The following PEBP4 variants were observed in gnomAD, a reference collection of about 807,000 sequenced individuals.
PEBP4 encodes the protein phosphatidylethanolamine-binding protein 4.
PEBP4 carries 22 observed loss-of-function variants against 23.9 expected under a neutral mutation model. That is an observed-to-expected ratio of 0.92 (90% CI 0.66 to 1.31). PEBP4 has a LOEUF of 1.31. PEBP4 is among the 40% of genes most tolerant of loss of function. PEBP4 has a pLI of 0.00. For missense variants in PEBP4, 324 were observed against 281.7 expected, an observed-to-expected ratio of 1.15 and a Z score of -1.07; for synonymous variants, 112 against 99.3, an observed-to-expected ratio of 1.13 and a Z score of -0.76.
At chr8:22,918,943 A>G (rs1246276396) in intron 3 of PEBP4, among the ~76,000 whole-genome samples, 2 of 151,680 alleles carry the variant, frequency 1.3e-5, no homozygotes, top group African/African-American at 4.8e-5. Context: ...ATGTGCACAC[A>G]TGTGCACGTG....
upstream of PEBP4, among the ~76,000 whole-genome samples, chr8:22,930,733 C>A (rs1180712538): frequency 3.9e-5 from 6 of 152,130 alleles, no homozygotes; most frequent in Non-Finnish European, 8.8e-5. Flanking sequence ...CGGGATTTTT[C>A]AAACCTGATC....
chr8:22,840,415 T>C (rs1807300516), intron 3 of PEBP4, among the ~76,000 whole-genome samples: 1 of 151,936 alleles, frequency 6.6e-6, no homozygotes, highest in South Asian at 2.1e-4. Flanking sequence ...TAATTTTTTT[T>C]TTTTTTTTAA....
At chr8:22,894,222 A>G (rs1265569413) in intron 3 of PEBP4, among the ~76,000 whole-genome samples, 2 of 152,160 alleles carry the variant, frequency 1.3e-5, no homozygotes, top group African/African-American at 4.8e-5. Flanking sequence ...GAATAAGATG[A>G]CTTCTTCTGC....
intron 4 of PEBP4, among the ~76,000 whole-genome samples, chr8:22,777,956 G>A (rs566679907): frequency 3.3e-5 from 5 of 152,140 alleles, no homozygotes; most frequent in Admixed American, 2.6e-4. Flanking sequence ...TCCCAGGGCC[G>A]TCATCACACT....
chr8:22,868,729 G>A (rs1002744268), intron 3 of PEBP4, among the ~76,000 whole-genome samples: 5 of 151,860 alleles, frequency 3.3e-5, no homozygotes, highest in Non-Finnish European at 7.4e-5. Flanking sequence ...CCCCCATATC[G>A]AATCTAGCAG....
At chr8:22,938,850 G>T (rs1401710140) in intron 1 of PEBP4, among the ~76,000 whole-genome samples, 1 of 152,172 alleles carries the variant, frequency 6.6e-6, no homozygotes, top group African/African-American at 2.4e-5. Context: ...ATTCCCCACA[G>T]CACTATGAAC....
chr8:22,851,597 G>A (rs529801641), intron 3 of PEBP4, among the ~76,000 whole-genome samples: 92 of 152,208 alleles, frequency 6.0e-4, no homozygotes, highest in Middle Eastern at 3.4e-3. Context: ...CTCCCAGGGC[G>A]CCACCCACCA....
intron 4 of PEBP4, among the ~76,000 whole-genome samples, chr8:22,741,352 C>G (rs941814940): frequency 6.6e-6 from 1 of 152,208 alleles, no homozygotes; most frequent in African/African-American, 2.4e-5. Flanking sequence ...TGTGGCCCAC[C>G]AGGGCCTGCT....
intron 3 of PEBP4, among the ~76,000 whole-genome samples, chr8:22,842,301 G>C (rs1180211018): frequency 6.6e-6 from 1 of 152,116 alleles, no homozygotes; most frequent in African/African-American, 2.4e-5. Flanking sequence ...TTTAGGAGGG[G>C]ATCCCTAAGG....
intron 3 of PEBP4, among the ~76,000 whole-genome samples, chr8:22,857,896 C>T (rs1255502186): frequency 2.6e-5 from 4 of 152,242 alleles, no homozygotes; most frequent in Non-Finnish European, 5.9e-5. Context: ...GAACTACCTG[C>T]AATAGTAGGA....
chr8:22,898,132 C>T (rs1808627215), intron 3 of PEBP4, among the ~76,000 whole-genome samples: 1 of 151,766 alleles, frequency 6.6e-6, no homozygotes, highest in South Asian at 2.1e-4. Flanking sequence ...TGGCTCACGC[C>T]TGTAATCCCA....
intron 3 of PEBP4, among the ~76,000 whole-genome samples, chr8:22,862,640 T>C (rs939851887): frequency 3.3e-5 from 5 of 152,082 alleles, no homozygotes; most frequent in Non-Finnish European, 5.9e-5. Context: ...CACAAACTCT[T>C]TTAAGCTTCA....
intron 3 of PEBP4, among the ~76,000 whole-genome samples, chr8:22,866,064 C>T (rs886493574): frequency 2.0e-5 from 3 of 152,228 alleles, no homozygotes; most frequent in African/African-American, 4.8e-5. Flanking sequence ...GAGCCAGAGA[C>T]GAGCCCCAAG....
chr8:22,806,385 G>A (rs1043371970), intron 4 of PEBP4, among the ~76,000 whole-genome samples: 2 of 152,162 alleles, frequency 1.3e-5, no homozygotes, highest in African/African-American at 4.8e-5. Context: ...GGGAGGCTGA[G>A]GCGGGCAGAA....
At chr8:22,737,294 C>CA (rs11302571) in intron 4 of PEBP4, among the ~76,000 whole-genome samples, 3,030 of 64,622 alleles carry the variant, frequency 0.047, 114 homozygotes, top group African/African-American at 0.097. Flanking sequence ...GACTCCGTCT[C>CA]AAAAAAAAAA....
chr8:22,850,556 C>CAT (rs1554491404), intron 3 of PEBP4, among the ~76,000 whole-genome samples: 4 of 150,582 alleles, frequency 2.7e-5, no homozygotes, highest in African/African-American at 9.8e-5. Flanking sequence ...CCATGGCAAG[C>CAT]GTGTGTGTGT....
At chr8:22,715,314 C>T (rs1804392001) in intron 6 of PEBP4, among the ~76,000 whole-genome samples, 2 of 152,232 alleles carry the variant, frequency 1.3e-5, no homozygotes, top group African/African-American at 4.8e-5. Context: ...GGGGCTGTGC[C>T]TGAGCCTCTG....
intron 3 of PEBP4, among the ~76,000 whole-genome samples, chr8:22,856,940 G>A (rs1415737319): frequency 6.6e-6 from 1 of 151,912 alleles, no homozygotes; most frequent in East Asian, 1.9e-4. Context: ...ATTAAATGAA[G>A]GAAGATAGAG....
intron 3 of PEBP4, among the ~76,000 whole-genome samples, chr8:22,820,936 G>A (rs531257987): frequency 8.5e-5 from 13 of 152,130 alleles, no homozygotes; most frequent in African/African-American, 2.2e-4. Flanking sequence ...GCTCACATCC[G>A]TAATCCCAAC....
Sources: gnomAD v4.1 joint callset for allele counts (sites outside exome capture counted in the v4.1 genomes callset) on GRCh38, gnomAD v4.1.1 for gene constraint, MANE v1.5 for transcripts, NCBI Gene and HGNC (gene_info 2026-07-23, HGNC 2026-07-21) for gene names.